ZNF106: variants seen among roughly 807,000 people sequenced by gnomAD.
ZNF106 encodes the protein SH3-domain binding protein 3.
Under a neutral mutation model 195.1 loss-of-function variants are expected in ZNF106, and 67 were observed. The ratio of observed to expected loss-of-function variants is 0.34; its 90% CI spans 0.28 to 0.42. The LOEUF (loss-of-function observed/expected upper bound fraction) is 0.42, where lower values mean the gene tolerates loss of function less well. Ranked by LOEUF, ZNF106 falls within the 10% of genes least tolerant of loss-of-function variation. The pLI, the probability that ZNF106 is intolerant of heterozygous loss-of-function variation, is 1.00. For missense variants in ZNF106, 2,118 were observed against 2,304.5 expected (o/e 0.92, Z 1.66); for synonymous variants, 784 against 818.6 (o/e 0.96, Z 0.72).
intron 1 of ZNF106, among the ~76,000 whole-genome samples, chr15:42,489,194 A>AT (rs201464614): frequency 0.12 from 17,175 of 144,016 alleles, 1,350 homozygotes; most frequent in Non-Finnish European, 0.16. Context: ...TTATTTTTTA[A>AT]TTTTTTTTTT....
intron 19 of ZNF106, 129 bp downstream of exon 19, chr15:42,421,788 T>C: frequency 1.6e-6 from 1 of 622,684 alleles, no homozygotes; most frequent in Non-Finnish European, 2.6e-6. Context: ...TACTTCCCTA[T>C]TATGCCAAGA....
chr15:42,420,127 T>C (rs1008472865), intron 20 of ZNF106, among the ~76,000 whole-genome samples: 1 of 152,224 alleles, frequency 6.6e-6, no homozygotes, highest in Non-Finnish European at 1.5e-5. Flanking sequence ...ATGGTTTCAC[T>C]TTCTGAGGTT....
At chr15:42,420,917 A>G in intron 20 of ZNF106, 144 bp downstream of exon 20, 1 of 690,490 alleles carries the variant, frequency 1.4e-6, no homozygotes. Flanking sequence ...ACCACCGAGG[A>G]GACAACCTGT....
chr15:42,458,834 C>G (rs1453872928), intron 3 of ZNF106, among the ~76,000 whole-genome samples: 1 of 150,892 alleles, frequency 6.6e-6, no homozygotes, highest in East Asian at 2.0e-4. Context: ...GTAACAGAAA[C>G]TGTCTTCTAG....
Position 42,435,420 on chromosome 15 carries a change from C to G in ZNF106, c.4845G>C (p.Gly1615=). The G allele has an allele frequency of 6.2e-7, 1 of 1,614,122 alleles. No individual in the cohort carries two copies. Residue 1615 remains glycine (G), a synonymous_variant, in exon 14 of 22, where the codon GGG becomes GGC. Coordinates refer to ENST00000564754, the MANE Select transcript of ZNF106 (RefSeq NM_001366845.3). ...TSGKNAALYT[G]SSDHTIRCYN... ...AGCAGCGGATGGTATGGTCACTGGA[C>G]CCGGTGTAAAGGGCAGCATTCTTCC...
At chr15:42,457,593 G>C in intron 3 of ZNF106, 1 of 976,042 alleles carries the variant, frequency 1.0e-6, no homozygotes, top group Non-Finnish European at 1.2e-6. Flanking sequence ...TCCAGTGAAA[G>C]TTAAGGGGTG....
intron 4 of ZNF106, among the ~76,000 whole-genome samples, chr15:42,453,474 G>T (rs1413378307): frequency 6.6e-6 from 1 of 152,178 alleles, no homozygotes; most frequent in Non-Finnish European, 1.5e-5. Flanking sequence ...TTAGCATGTG[G>T]TAAGTGCTCA....
chr15:42,428,551 CT>C (rs2054937586), intron 14 of ZNF106, among the ~76,000 whole-genome samples: 1 of 152,184 alleles, frequency 6.6e-6, no homozygotes, highest in African/African-American at 2.4e-5. Flanking sequence ...ACATGATTCT[CT>C]ATTTCAATAG....
At chr15:42,443,737 C>CA (rs1258017746) in intron 9 of ZNF106, among the ~76,000 whole-genome samples, 6 of 147,058 alleles carry the variant, frequency 4.1e-5, no homozygotes, top group South Asian at 2.2e-4. Flanking sequence ...CTCAAAAAAA[C>CA]AAAAAAAAAG....
chr15:42,437,413 C>T (rs761265906), intron 12 of ZNF106, 36 bp from the exon 13 acceptor site: 1 of 1,605,328 alleles, frequency 6.2e-7, no homozygotes, highest in East Asian at 2.2e-5. Context: ...GACATGTCTG[C>T]TAGAGTCTGA....
chr15:42,429,730 T>C (rs1158409428), intron 14 of ZNF106, among the ~76,000 whole-genome samples: 1 of 152,086 alleles, frequency 6.6e-6, no homozygotes, highest in Non-Finnish European at 1.5e-5. Flanking sequence ...TTAAGATTCA[T>C]GTTGCTTCCC....
chr15:42,448,178 GC>G lies in ZNF106; in HGVS notation c.3028del (p.Ala1010ProfsTer7). 6.2e-7 allele frequency: 1 copy of G among 1,614,178 alleles called. No homozygotes were observed. The highest frequency in any genetic ancestry group is 8.5e-7 in the Non-Finnish European group (1 of 1,180,026). On this transcript the variant is annotated frameshift_variant, in exon 6 of 22. Transcript: ENST00000564754. LOFTEE classifies it high-confidence loss of function. The stretch of plus-strand genomic sequence containing the variant: ...ATCCGCTAAACTGGAGATCGCAAGG[GC>G]TGAGGATGCGCTTGATGACAGACAG... ...GNCLSSSASS[A>X]LAISSLADAA...
At chr15:42,432,722 A>G (rs1376281616) in intron 14 of ZNF106, among the ~76,000 whole-genome samples, 1 of 152,012 alleles carries the variant, frequency 6.6e-6, no homozygotes, top group African/African-American at 2.4e-5. Flanking sequence ...AAAAAAAAAA[A>G]AAAAAAATTT....
chr15:42,417,838 A>G lies in ZNF106; in HGVS notation c.5631T>C (p.Asp1877=), dbSNP rs2054512214. The G allele has an allele frequency of 6.2e-7, 1 of 1,613,942 alleles. No individual in the cohort carries two copies. The highest frequency in any genetic ancestry group is 8.5e-7 in the Non-Finnish European group (1 of 1,179,968). The part of the protein sequence containing the change: ...QTLKCRWKNC[D]AFFTARKGSK... ...ATCCTTTCCTAGCAGTGAAAAAAGC[A>G]TCGCAGTTCTTCCAGCGACATTTCA... Residue 1877 remains aspartate, a synonymous_variant, in exon 21 of 22, where the codon GAT becomes GAC. Coordinates refer to ENST00000564754, the MANE Select transcript of ZNF106 (RefSeq NM_001366845.3).
chr15:42,444,700 C>T (rs1012878655), intron 8 of ZNF106, 127 bp downstream of exon 8: 3 of 1,206,146 alleles, frequency 2.5e-6, no homozygotes, highest in Non-Finnish European at 2.3e-6. Flanking sequence ...TAGGCACAGT[C>T]TGGGGCACTT....
intron 7 of ZNF106, among the ~76,000 whole-genome samples, chr15:42,445,670 T>C (rs189507845): frequency 1.2e-3 from 180 of 152,310 alleles, no homozygotes; most frequent in African/African-American, 4.2e-3. Context: ...CATCTTTCTC[T>C]ATTCTCAATC....
In ZNF106 at chr15:42,448,313, G is replaced by C. The variant is rs1195831825; in HGVS notation, c.2894C>G (p.Ser965Cys). Residue 965 changes from serine to cysteine, a missense_variant, in exon 6 of 22, where the codon TCT (serine) becomes TGT (cysteine). By Grantham distance (112) the Ser-to-Cys change is moderately radical (BLOSUM62 -1). Transcript: ENST00000564754. ...TQRRHSAQLS[S>C]DHIIPLMHLA... ...ATGCATCAAAGGTATTATATGGTCA[G>C]AGGATAATTGTGCACTATGTCGCCT... 1 of 1,614,198 alleles carries C rather than the reference G, an allele frequency of 6.2e-7. No homozygotes were observed. The highest frequency in any genetic ancestry group is 1.1e-5 in the South Asian group (1 of 91,080).
At chr15:42,424,184 A>T (rs1216359772) in intron 16 of ZNF106, 124 bp from the exon 17 acceptor site, 2 of 773,318 alleles carry the variant, frequency 2.6e-6, no homozygotes, top group African/African-American at 3.5e-5. Context: ...TGAACTAGGT[A>T]TAAAAGTTTC....
intron 10 of ZNF106, among the ~76,000 whole-genome samples, chr15:42,440,061 T>C (rs917882795): frequency 3.9e-5 from 6 of 152,194 alleles, no homozygotes; most frequent in Non-Finnish European, 8.8e-5. Context: ...TGGGGAGGGA[T>C]TGTTTCTATC....
Sources: gnomAD v4.1 joint callset for allele counts (sites outside exome capture counted in the v4.1 genomes callset) on GRCh38, gnomAD v4.1.1 for gene constraint, MANE v1.5 for transcripts, NCBI Gene and HGNC (gene_info 2026-07-23, HGNC 2026-07-21) for gene names.